RNF144B: variants seen among roughly 807,000 people sequenced by gnomAD.
RNF144B encodes the protein ring finger protein 144B.
Under a neutral mutation model 40.2 loss-of-function variants are expected in RNF144B, and 25 were observed. The observed-to-expected ratio is 0.62, with a 90% CI of 0.45 to 0.87. RNF144B has a LOEUF of 0.87. Ranked by LOEUF, RNF144B falls within the 40% of genes least tolerant of loss-of-function variation. RNF144B has a pLI of 0.00. For synonymous variants in RNF144B, 145 were observed against 136.3 expected, an observed-to-expected ratio of 1.06 and a Z score of -0.44; for missense variants, 365 against 373.7, an observed-to-expected ratio of 0.98 and a Z score of 0.19.
chr6:18,394,880 T>C (rs1794663140), intron 1 of RNF144B, among the ~76,000 whole-genome samples: 1 of 152,176 alleles, frequency 6.6e-6, no homozygotes, highest in Non-Finnish European at 1.5e-5. Context: ...TCTCCTTTCC[T>C]GGTAATTTAG....
At chr6:18,440,428 T>C (rs1369675226) in intron 4 of RNF144B, among the ~76,000 whole-genome samples, 5 of 152,154 alleles carry the variant, frequency 3.3e-5, no homozygotes, top group Non-Finnish European at 5.9e-5. Flanking sequence ...AAATTGTTTC[T>C]CCCAGAAGTT....
At chr6:18,409,790 G>A (rs986534541) in intron 2 of RNF144B, among the ~76,000 whole-genome samples, 10 of 151,904 alleles carry the variant, frequency 6.6e-5, no homozygotes, top group Admixed American at 3.9e-4. Context: ...AGCTGGTCTC[G>A]ATGTCCTGAC....
Position 18,412,825 on chromosome 6 carries a change from C to T in RNF144B, c.165+13126C>T, listed in dbSNP as rs973679098. Among the ~76,000 whole-genome samples, 2 of 152,246 alleles carry T rather than the reference C, an allele frequency of 1.3e-5. No individual in the cohort carries two copies. Among genetic ancestry groups the T allele is most frequent in the East Asian group, 3.9e-4 (2 of 5,178 alleles). Reference sequence around the variant, plus strand: ...TGGCTCTGTGTTAACTGAAAGCCTCCATGGTTTTGAATCATTTCCCACCCA... The same window carrying T: ...TGGCTCTGTGTTAACTGAAAGCCTCTATGGTTTTGAATCATTTCCCACCCA... On this transcript the variant is annotated intron_variant, in intron 2 of 7. Coordinates refer to ENST00000259939, the MANE Select transcript of RNF144B (RefSeq NM_182757.4). This position sits in a 1 kb window ranked among gnomAD's most constrained non-coding sequence, Gnocchi z 4.2.
chr6:18,462,238 G>A (rs917676377), intron 6 of RNF144B, among the ~76,000 whole-genome samples: 4 of 152,050 alleles, frequency 2.6e-5, no homozygotes, highest in South Asian at 2.1e-4. Flanking sequence ...CAATGTGTTC[G>A]GATTGCCACG....
At chr6:18,409,028 A>T (rs566929819) in intron 2 of RNF144B, among the ~76,000 whole-genome samples, 1 of 151,338 alleles carries the variant, frequency 6.6e-6, no homozygotes, top group African/African-American at 2.4e-5. Context: ...GTTAACTAAT[A>T]AAGTGTGATA....
chr6:18,389,698 A>T (rs1015668517), intron 1 of RNF144B, among the ~76,000 whole-genome samples: 3 of 152,162 alleles, frequency 2.0e-5, no homozygotes, highest in African/African-American at 7.2e-5. Context: ...ACAAAGTCTG[A>T]GCAGTTTTGG....
chr6:18,461,755 A>G (rs1759460737), intron 6 of RNF144B, among the ~76,000 whole-genome samples: 1 of 152,142 alleles, frequency 6.6e-6, no homozygotes, highest in Admixed American at 6.5e-5. Flanking sequence ...GTTTTTCTCT[A>G]CGCAAGTGGA....
chr6:18,440,138 G>A (rs1046013739), intron 4 of RNF144B, among the ~76,000 whole-genome samples: 8 of 152,076 alleles, frequency 5.3e-5, no homozygotes, highest in Admixed American at 4.6e-4. Context: ...CTGCTCCTCA[G>A]AATACATAAC....
intron 1 of RNF144B, chr6:18,396,745 T>C: frequency 1.0e-6 from 1 of 985,372 alleles, no homozygotes; most frequent in African/African-American, 1.7e-5. Flanking sequence ...TTGGTGGGAC[T>C]GTGTGCCATG....
intron 3 of RNF144B, among the ~76,000 whole-genome samples, chr6:18,429,093 G>C (rs1416790616): frequency 6.6e-6 from 1 of 152,150 alleles, no homozygotes; most frequent in Non-Finnish European, 1.5e-5. Context: ...AGCTACTCTG[G>C]AGGCTGAGGT....
rs1795071870 is a variant in RNF144B, at chr6:18,412,708, G to A, written c.165+13009G>A. 6.6e-6 allele frequency among the ~76,000 whole-genome samples: 1 copy of A among 152,096 alleles called. No homozygotes were observed. Among genetic ancestry groups the A allele is most frequent in the Admixed American group, 6.5e-5 (1 of 15,268 alleles). On this transcript the variant is annotated intron_variant, in intron 2 of 7. Coordinates refer to ENST00000259939, the MANE Select transcript of RNF144B (RefSeq NM_182757.4). The surrounding 1 kb of genome is among the most constrained non-coding windows in gnomAD (Gnocchi z 4.2). The stretch of plus-strand genomic sequence containing the variant: ...TGTATATTTCAGTTCATTAAAGATT[G>A]GTTATATAAGGCTTATCTATGTGGA...
chr6:18,427,670 C>T lies in RNF144B; in HGVS notation c.255C>T (p.Thr85=), dbSNP rs779342181. ...CPDMVCLNHG[T]LQEAEIACLV... Reference sequence around the variant, plus strand: ...ACATGGTGTGCCTAAACCACGGGACCCTGCAGGAAGCTGAGGTATGAATGA... The same window carrying T: ...ACATGGTGTGCCTAAACCACGGGACTCTGCAGGAAGCTGAGGTATGAATGA... Residue 85 remains threonine, a synonymous_variant, in exon 3 of 8, where the codon ACC becomes ACT. Coordinates refer to ENST00000259939, the MANE Select transcript of RNF144B (RefSeq NM_182757.4). The T allele has an allele frequency of 3.7e-6, 6 of 1,610,580 alleles. No homozygotes were observed. The East Asian group carries it at 6.7e-5, about 18-fold the overall frequency.
At chr6:18,431,636 C>T (rs1178457282) in intron 3 of RNF144B, among the ~76,000 whole-genome samples, 1 of 152,190 alleles carries the variant, frequency 6.6e-6, no homozygotes, top group South Asian at 2.1e-4. Flanking sequence ...CATAAATATA[C>T]TTTGCTTGTT....
rs972693549 is a variant in RNF144B, at chr6:18,464,293, A to G, written c.772-634A>G. 3.3e-5 allele frequency among the ~76,000 whole-genome samples: 5 copies of G among 152,210 alleles called. No individual in the cohort carries two copies. The highest frequency in any genetic ancestry group is 1.3e-4 in the Admixed American group (2 of 15,284). On this transcript the variant is annotated intron_variant, in intron 7 of 7. Coordinates refer to ENST00000259939, the MANE Select transcript of RNF144B (RefSeq NM_182757.4). This position sits in a 1 kb window ranked among gnomAD's most constrained non-coding sequence, Gnocchi z 6.1. The stretch of plus-strand genomic sequence containing the variant: ...TTGAGCTAGTTGAGGAAATTCAAGT[A>G]GAGAGAGAGCACCAATACCAATAAT...
rs186739369 is a variant in RNF144B, at chr6:18,400,359, G to T, written c.165+660G>T. 6.6e-6 allele frequency among the ~76,000 whole-genome samples: 1 copy of T among 152,124 alleles called. No individual in the cohort carries two copies. Among genetic ancestry groups the T allele is most frequent in the Admixed American group, 6.5e-5 (1 of 15,288 alleles). ...GTATTTTAAATGATGGAGAAGTCAG[G>T]TAGTAATTTACTTTATGTACTGAAT... On this transcript the variant is annotated intron_variant, in intron 2 of 7. Transcript: ENST00000259939. This position sits in a 1 kb window ranked among gnomAD's most constrained non-coding sequence, Gnocchi z 5.6.
rs1314036494 is a variant in RNF144B, at chr6:18,410,696, A to G, written c.165+10997A>G. On this transcript the variant is annotated intron_variant, in intron 2 of 7. Coordinates refer to ENST00000259939, the MANE Select transcript of RNF144B (RefSeq NM_182757.4). The surrounding 1 kb of genome is among the most constrained non-coding windows in gnomAD (Gnocchi z 4.6). Reference sequence around the variant, plus strand: ...TGGAGGGCCTGGTATGCTGTGTTAAAAAAACATTATGGAGCCACTGGAAGG... The same window carrying G: ...TGGAGGGCCTGGTATGCTGTGTTAAGAAAACATTATGGAGCCACTGGAAGG... Among the ~76,000 whole-genome samples the G allele has an allele frequency of 1.3e-5, 2 of 152,078 alleles. No individual in the cohort carries two copies. The highest frequency in any genetic ancestry group is 2.9e-5 in the Non-Finnish European group (2 of 68,006).
At chr6:18,404,078 G>A (rs770584799) in intron 2 of RNF144B, among the ~76,000 whole-genome samples, 3 of 152,146 alleles carry the variant, frequency 2.0e-5, no homozygotes, top group African/African-American at 4.8e-5. Context: ...AATTTTGGTG[G>A]GGATAAACAA....
In RNF144B at chr6:18,448,361, C is replaced by G. The variant is rs1759130860; in HGVS notation, c.331+8617C>G. 1.3e-5 allele frequency among the ~76,000 whole-genome samples: 2 copies of G among 151,956 alleles called. No homozygotes were observed. Among genetic ancestry groups the G allele is most frequent in the South Asian group, 4.2e-4 (2 of 4,816 alleles). On this transcript the variant is annotated intron_variant, in intron 4 of 7. Transcript: ENST00000259939. The surrounding 1 kb of genome is among the most constrained non-coding windows in gnomAD (Gnocchi z 4.0). ...GGTGGAGAGGTTACGGACATGGATG[C>G]AGGCAGCCTAGTAGATTGGTCTGCA...
chr6:18,463,785 G>A (rs1268542334), intron 7 of RNF144B, among the ~76,000 whole-genome samples: 1 of 152,208 alleles, frequency 6.6e-6, no homozygotes, highest in East Asian at 1.9e-4. Flanking sequence ...ATTAAGGAAA[G>A]GGGTTTAATG....
Sources: gnomAD v4.1 joint callset for allele counts (sites outside exome capture counted in the v4.1 genomes callset) on GRCh38, gnomAD v4.1.1 for gene constraint, Gnocchi (gnomAD v3.1) non-coding constraint, MANE v1.5 for transcripts, NCBI Gene and HGNC (gene_info 2026-07-23, HGNC 2026-07-21) for gene names.